Variants in WRN observed in about 807,000 individuals in gnomAD.
WRN encodes WRN RecQ like helicase, also known as bifunctional 3'-5' exonuclease/ATP-dependent helicase WRN.
WRN carries 149 observed loss-of-function variants against 180.7 expected under a neutral mutation model. The ratio of observed to expected loss-of-function variants is 0.82; its 90% confidence interval spans 0.72 to 0.94. The LOEUF (loss-of-function observed/expected upper bound fraction) is 0.94, where lower values mean the gene tolerates loss of function less well. Ranked by LOEUF, WRN falls within the 40% of genes least tolerant of loss-of-function variation. The probability of loss-of-function intolerance (pLI) is 0.00; values close to 1 mark genes in which losing one functional copy is unlikely to be tolerated. For synonymous variants in WRN, 548 were observed against 568.9 expected (o/e 0.96, Z 0.52); for missense variants, 1,661 against 1,700.1 (o/e 0.98, Z 0.40).
intron 17 of WRN, among the ~76,000 whole-genome samples, chr8:31,097,904 T>C (rs144133417): frequency 2.0e-5 from 3 of 152,214 alleles, no homozygotes; most frequent in Admixed American, 6.5e-5. Context: ...TTTTTCAATA[T>C]CATATGATCT....
At chr8:31,159,238 TATA>T (rs931039604) in intron 33 of WRN, among the ~76,000 whole-genome samples, 3 of 151,710 alleles carry the variant, frequency 2.0e-5, no homozygotes, top group African/African-American at 7.3e-5. Context: ...AGTTTGGGGT[TATA>T]ATAAGCTGTG....
rs1403671863 is a variant in WRN, at chr8:31,176,123, G to GT, written c.*3028dup. Reference sequence around the variant, plus strand: ...TTGTTGGACATTAAAGTTGCTTTCAGTTTTTTTGTTTTAAACAGCACTGCT... The same window carrying GT: ...TTGTTGGACATTAAAGTTGCTTTCAGTTTTTTTTGTTTTAAACAGCACTGCT... On this transcript the variant is annotated 3_prime_UTR_variant, in exon 35 of 35. Transcript: ENST00000298139. 2.0e-5 allele frequency among the ~76,000 whole-genome samples: 3 copies of GT among 152,086 alleles called. No individual in the cohort carries two copies. Among genetic ancestry groups the GT allele is most frequent in the East Asian group, 3.9e-4 (2 of 5,190 alleles).
intron 1 of WRN, among the ~76,000 whole-genome samples, chr8:31,056,909 C>G (rs1259304405): frequency 6.6e-6 from 1 of 152,116 alleles, no homozygotes; most frequent in East Asian, 1.9e-4. Context: ...TAGTAAGCTG[C>G]CTTCTGGTTT....
At chr8:31,132,539 T>G (rs776680872) in intron 24 of WRN, 33 bp downstream of exon 24, 9 of 1,613,726 alleles carry the variant, frequency 5.6e-6, no homozygotes, top group Non-Finnish European at 7.6e-6. Context: ...CCTTCATAGA[T>G]CTTCTTTTAC....
At position 31,064,961 on chromosome 8, in the gene WRN, A is replaced by G. The variant is rs1251651022; in HGVS notation, c.402A>G (p.Lys134=). ...TGTTGCTTGAAAATAAAGCAGTTAA[A>G]AAGGCAGGTGTAGGAATTGAAGGAG... ...LKMLLENKAV[K]KAGVGIEGDQ... Residue 134 remains lysine, a synonymous_variant, in exon 5 of 35, where the codon AAA becomes AAG. Transcript: ENST00000298139. 2 of 1,613,620 alleles carry G rather than the reference A, an allele frequency of 1.2e-6. No individual in the cohort carries two copies. Among genetic ancestry groups the G allele is most frequent in the Admixed American group, 3.3e-5 (2 of 60,002 alleles).
rs751269220 is a variant in WRN, at chr8:31,116,369, T to A, written c.2289T>A (p.Phe763Leu). Residue 763 changes from phenylalanine (F) to leucine (L), a missense_variant, in exon 20 of 35, where the codon TTT becomes TTA. Phe to Leu is a conservative substitution (Grantham distance 22). Around this residue, in one of 3 missense-constraint regions of WRN, gnomAD observed 1,141 missense variants for 1,149.4 expected, o/e 0.99. Transcript: ENST00000298139. The part of the protein sequence containing the change: ...FLVKTSSHWE[F>L]EGPTIIYCPS... ...TTTTCTTTAGTTCCCACTGGGAATT[T>A]GAAGGTCCAACAATCATCTACTGTC... 1.9e-6 allele frequency: 3 copies of A among 1,613,944 alleles called. No homozygotes were observed. The South Asian group carries it at 3.3e-5, about 18-fold the overall frequency.
intron 24 of WRN, among the ~76,000 whole-genome samples, chr8:31,136,207 G>T (rs913763815): frequency 1.3e-5 from 2 of 152,100 alleles, no homozygotes; most frequent in Non-Finnish European, 2.9e-5. Flanking sequence ...TTCCCAGGCT[G>T]GTCTTGAACC....
chr8:31,059,310 A>G (rs1255707025), intron 3 of WRN, 45 bp downstream of exon 3: 2 of 1,466,326 alleles, frequency 1.4e-6, no homozygotes, highest in Admixed American at 3.3e-5. Context: ...TTGGACCCTT[A>G]GAAGGTACTA....
At chr8:31,069,342 TC>T (rs1812824469) in intron 7 of WRN, among the ~76,000 whole-genome samples, 1 of 152,182 alleles carries the variant, frequency 6.6e-6, no homozygotes, top group South Asian at 2.1e-4. Context: ...GAGAGCCACT[TC>T]CTATGAATGC....
chr8:31,064,855 G>A (rs1812630422), intron 4 of WRN, 60 bp from the exon 5 acceptor site: 1 of 1,579,100 alleles, frequency 6.3e-7, no homozygotes, highest in South Asian at 1.1e-5. Context: ...TGTATAAGAA[G>A]TAGGACATAA....
intron 6 of WRN, 32 bp from the exon 7 acceptor site, chr8:31,068,226 C>T (rs1307507851): frequency 2.7e-6 from 4 of 1,495,274 alleles, no homozygotes; most frequent in Non-Finnish European, 3.7e-6. Context: ...TGATCTTTAG[C>T]ATACTTTTTA....
At chr8:31,109,668 T>A (rs1325193985) in intron 18 of WRN, among the ~76,000 whole-genome samples, 1 of 152,242 alleles carries the variant, frequency 6.6e-6, no homozygotes, top group Non-Finnish European at 1.5e-5. Flanking sequence ...ATGCATTATG[T>A]TCAGCACTTT....
At chr8:31,146,925 C>A in intron 28 of WRN, 128 bp from the exon 29 acceptor site, 3 of 727,622 alleles carry the variant, frequency 4.1e-6, no homozygotes, top group South Asian at 4.1e-5. Context: ...AACAAATTAC[C>A]TTACTGGTAT....
At chr8:31,052,179 T>G (rs1223794510) in intron 1 of WRN, among the ~76,000 whole-genome samples, 1 of 152,214 alleles carries the variant, frequency 6.6e-6, no homozygotes, top group Non-Finnish European at 1.5e-5. Context: ...TGATTATTCA[T>G]TAAAAAATTA....
Position 31,089,084 on chromosome 8 carries a change from C to T in WRN, c.1652+119C>T, listed in dbSNP as rs1305053179. The T allele has an allele frequency of 6.3e-6, 5 of 789,466 alleles. No individual in the cohort carries two copies. In the African/African-American group the frequency reaches 6.9e-5, roughly 11 times the overall value. The allele number at this position is 789,466 out of a possible 1,614,324, so 48.9% of individuals were successfully genotyped here. A position where few individuals can be genotyped will look rare whatever the true frequency, so the allele number is the denominator to read the frequency against. ...ACAACTTCACTATAGTTATACATGC[C>T]ACACTGTATTTTCTGTGTGACTACA... On this transcript the variant is annotated intron_variant, in intron 13 of 34. Transcript: ENST00000298139.
At chr8:31,163,561 A>G (rs1182510024) in intron 33 of WRN, among the ~76,000 whole-genome samples, 1 of 152,198 alleles carries the variant, frequency 6.6e-6, no homozygotes, top group South Asian at 2.1e-4. Flanking sequence ...CTGATATAGG[A>G]TATGGGTATA....
At chr8:31,159,311 G>GA (rs901883257) in intron 33 of WRN, among the ~76,000 whole-genome samples, 153 of 140,498 alleles carry the variant, frequency 1.1e-3, no homozygotes, top group East Asian at 2.0e-3. Context: ...CTCAAAAGGA[G>GA]AAAAAAAAAA....
chr8:31,063,242 G>A (rs1812559782), intron 3 of WRN, among the ~76,000 whole-genome samples: 1 of 152,156 alleles, frequency 6.6e-6, no homozygotes, highest in Admixed American at 6.5e-5. Flanking sequence ...TGTGTACTCT[G>A]TAACTTGTCT....
At chr8:31,157,595 A>G in intron 33 of WRN, 65 bp downstream of exon 33, 1 of 1,588,758 alleles carries the variant, frequency 6.3e-7, no homozygotes, top group Non-Finnish European at 8.6e-7. Context: ...AATCCACTAT[A>G]TTTTTCACTG....
Sources: gnomAD v4.1 joint callset for allele counts (sites outside exome capture counted in the v4.1 genomes callset) on GRCh38, gnomAD v4.1.1 for gene constraint, gnomAD v4.1.1 regional missense constraint, MANE v1.5 for transcripts, NCBI Gene and HGNC (gene_info 2026-07-23, HGNC 2026-07-21) for gene names.